The following LDB2 variants were observed in gnomAD, a reference collection of about 807,000 sequenced individuals.
The protein encoded by LDB2 is LIM domain binding 2, also known as LIM domain-binding protein 2.
Under a neutral mutation model 44.3 loss-of-function variants are expected in LDB2, and 12 were observed. That is an observed-to-expected ratio of 0.27 (90% confidence interval 0.17 to 0.44). The LOEUF (loss-of-function observed/expected upper bound fraction) is 0.44, where lower values mean the gene tolerates loss of function less well. LDB2 is among the 20% of genes least tolerant of loss of function. LDB2 has a pLI of 1.00. For synonymous variants in LDB2, 164 were observed against 174.8 expected (o/e 0.94, Z 0.49); for missense variants, 344 against 473.5 (o/e 0.73, Z 2.54).
At chr4:16,745,109 T>C (rs1561077387) in intron 2 of LDB2, among the ~76,000 whole-genome samples, 1 of 152,194 alleles carries the variant, frequency 6.6e-6, no homozygotes, top group Non-Finnish European at 1.5e-5. Flanking sequence ...GCCAAGCTTG[T>C]CTGACTCACA....
At chr4:16,895,415 T>C (rs768560317) in intron 1 of LDB2, among the ~76,000 whole-genome samples, 15 of 152,158 alleles carry the variant, frequency 9.9e-5, no homozygotes, top group Non-Finnish European at 1.8e-4. Context: ...AAAGGAGGTT[T>C]CTAGGAAATT....
intron 1 of LDB2, among the ~76,000 whole-genome samples, chr4:16,814,298 G>A (rs569899302): frequency 1.3e-5 from 2 of 152,160 alleles, no homozygotes; most frequent in Non-Finnish European, 2.9e-5. Context: ...GTGGCTACTC[G>A]TCTGTTCCAG....
intron 5 of LDB2, among the ~76,000 whole-genome samples, chr4:16,556,241 T>C (rs1023963692): frequency 1.3e-5 from 2 of 152,154 alleles, no homozygotes; most frequent in Non-Finnish European, 2.9e-5. Flanking sequence ...AGGAATGTAT[T>C]TGTTTTTGCA....
intron 1 of LDB2, among the ~76,000 whole-genome samples, chr4:16,857,284 T>C (rs985117521): frequency 2.0e-5 from 3 of 152,210 alleles, no homozygotes; most frequent in Non-Finnish European, 4.4e-5. Context: ...GTGCCCTTTT[T>C]ATTCCTCACT....
At chr4:16,610,103 C>A (rs902334384) in intron 2 of LDB2, among the ~76,000 whole-genome samples, 4 of 151,850 alleles carry the variant, frequency 2.6e-5, no homozygotes, top group African/African-American at 9.7e-5. Context: ...AACTGCAGCA[C>A]CCCTACAGAA....
intron 2 of LDB2, among the ~76,000 whole-genome samples, chr4:16,710,245 A>G (rs1398682091): frequency 6.6e-6 from 1 of 152,218 alleles, no homozygotes; most frequent in Non-Finnish European, 1.5e-5. Flanking sequence ...GCAGGATGGG[A>G]TTAGATATTT....
chr4:16,832,969 A>G (rs1375006941), intron 1 of LDB2, among the ~76,000 whole-genome samples: 1 of 152,240 alleles, frequency 6.6e-6, no homozygotes, highest in Non-Finnish European at 1.5e-5. Flanking sequence ...ACACAGTCAC[A>G]CAAGTTCATT....
intron 5 of LDB2, among the ~76,000 whole-genome samples, chr4:16,563,300 TTTTTTTA>T (rs1234187230): frequency 1.3e-5 from 2 of 151,878 alleles, no homozygotes; most frequent in African/African-American, 2.4e-5. Flanking sequence ...CTATCTGTGA[TTTTTTTA>T]TTTTTTATTT....
At chr4:16,841,881 T>C (rs895894669) in intron 1 of LDB2, among the ~76,000 whole-genome samples, 3 of 152,122 alleles carry the variant, frequency 2.0e-5, no homozygotes, top group Non-Finnish European at 4.4e-5. Context: ...ACTTTCAAAT[T>C]AAATGTCAAA....
rs551322377 is a variant in LDB2 at position 16,685,774 on chromosome 4, C to T, written c.235+73384G>A. 9.9e-5 allele frequency among the ~76,000 whole-genome samples: 15 copies of T among 152,212 alleles called. No individual in the cohort carries two copies. The South Asian group carries it at 1.5e-3, about 15-fold the overall frequency. On this transcript the variant is annotated intron_variant, in intron 2 of 7. Coordinates refer to ENST00000304523, the MANE Select transcript of LDB2 (RefSeq NM_001290.5). ...CAAAACACAGGCAAAAGAGGCCAGG[C>T]GCAGTGGTTCATGCCTGTAATCCCA...
At chr4:16,885,175 A>C (rs1297101772) in intron 1 of LDB2, among the ~76,000 whole-genome samples, 1 of 151,250 alleles carries the variant, frequency 6.6e-6, no homozygotes, top group Non-Finnish European at 1.5e-5. Context: ...AAAAAAAAAA[A>C]AACTTTTTTA....
intron 5 of LDB2, among the ~76,000 whole-genome samples, chr4:16,548,260 T>C (rs536435566): frequency 2.6e-5 from 4 of 152,322 alleles, no homozygotes; most frequent in Non-Finnish European, 2.9e-5. Context: ...TAGGAGCCCA[T>C]GTTCCATAGT....
chr4:16,731,992 G>C (rs1359982007), intron 2 of LDB2, among the ~76,000 whole-genome samples: 4 of 152,092 alleles, frequency 2.6e-5, no homozygotes, highest in Non-Finnish European at 5.9e-5. Flanking sequence ...GTCCCAACAG[G>C]AATTCAGAGG....
chr4:16,541,554 A>C (rs1458232486), intron 5 of LDB2, among the ~76,000 whole-genome samples: 1 of 152,186 alleles, frequency 6.6e-6, no homozygotes, highest in Non-Finnish European at 1.5e-5. Context: ...GGGGTTCCTG[A>C]ATCTGTGGAT....
In LDB2 at chr4:16,732,952, T is replaced by C. The variant is rs144846108; in HGVS notation, c.235+26206A>G. The stretch of plus-strand genomic sequence containing the variant: ...ACTCTTTAAGGTCGGGGGAAAGGCA[T>C]AGGGATGTTCACAACCTGCTGGGCC... On this transcript the variant is annotated intron_variant, in intron 2 of 7. Transcript: ENST00000304523. 4.1e-3 allele frequency among the ~76,000 whole-genome samples: 631 copies of C among 152,290 alleles called. 8 individuals carry two copies. The highest frequency in any genetic ancestry group is 0.014 in the African/African-American group (580 of 41,570).
intron 1 of LDB2, among the ~76,000 whole-genome samples, chr4:16,795,739 A>T (rs1301364846): frequency 6.6e-6 from 1 of 152,186 alleles, no homozygotes; most frequent in African/African-American, 2.4e-5. Flanking sequence ...ATGAGGACTC[A>T]GGAGTCTCCC....
At chr4:16,595,961 A>G in intron 2 of LDB2, 86 bp from the exon 3 acceptor site, 1 of 1,310,822 alleles carries the variant, frequency 7.6e-7, no homozygotes, top group East Asian at 2.5e-5. Flanking sequence ...AACCTCCTAA[A>G]ACCGGATACT....
chr4:16,769,263 T>C (rs554891264), intron 1 of LDB2, among the ~76,000 whole-genome samples: 1 of 151,866 alleles, frequency 6.6e-6, no homozygotes, highest in Admixed American at 6.6e-5. Flanking sequence ...ATCTCCCCTT[T>C]TTTACTTATT....
At chr4:16,733,109 C>T (rs1308910291) in intron 2 of LDB2, among the ~76,000 whole-genome samples, 1 of 152,132 alleles carries the variant, frequency 6.6e-6, no homozygotes, top group Non-Finnish European at 1.5e-5. Context: ...CACTCAGGCG[C>T]CTTCTTACTT....
Sources: allele counts gnomAD v4.1 joint callset (sites outside exome capture counted in the v4.1 genomes callset), GRCh38; gene constraint gnomAD v4.1.1; transcripts MANE v1.5; gene names NCBI Gene and HGNC (gene_info 2026-07-23, HGNC 2026-07-21).